KALRN: variants seen among roughly 807,000 people sequenced by gnomAD.
The protein encoded by KALRN is kalirin RhoGEF kinase.
KALRN carries 70 observed loss-of-function variants against 353.7 expected under a neutral mutation model. That is an observed-to-expected ratio of 0.20 (90% CI 0.16 to 0.24). The LOEUF is 0.24. Among genes scored for constraint, KALRN ranks in the 10% least tolerant of loss-of-function variants. The probability of loss-of-function intolerance (pLI) is 1.00; values close to 1 mark genes in which losing one functional copy is unlikely to be tolerated. For missense variants in KALRN, 2,791 were observed against 3,756.7 expected (o/e 0.74, Z 6.72); for synonymous variants, 1,391 against 1,434.8 (o/e 0.97, Z 0.69).
intron 10 of KALRN, among the ~76,000 whole-genome samples, chr3:124,378,819 T>C (rs570602314): frequency 6.6e-6 from 1 of 151,458 alleles, no homozygotes; most frequent in African/African-American, 2.4e-5. Flanking sequence ...CTTGTCTTTT[T>C]TTCCTCTGTC....
In KALRN at chr3:124,666,643, C is replaced by A. The variant is rs778364419; in HGVS notation, c.6531+9C>A. 2.5e-5 allele frequency: 40 copies of A among 1,611,622 alleles called. No individual in the cohort carries two copies. The South Asian group carries it at 4.1e-4, about 16-fold the overall frequency. Reference sequence around the variant, plus strand: ...TCAAAAGGAGCATCAAGGTGAGGATCCCAATGGTGATGAGAAGAGGCAAGG... The same window carrying A: ...TCAAAAGGAGCATCAAGGTGAGGATACCAATGGTGATGAGAAGAGGCAAGG... On this transcript the variant is annotated intron_variant, in intron 46 of 59. Transcript: ENST00000682506.
chr3:124,298,196 G>A (rs2076992354), intron 5 of KALRN, among the ~76,000 whole-genome samples: 2 of 152,150 alleles, frequency 1.3e-5, no homozygotes, highest in East Asian at 3.9e-4. Flanking sequence ...ATGGCTTAAT[G>A]CCCACTGTGC....
At chr3:124,051,209 C>G (rs1447999514) in intron 1 of KALRN, among the ~76,000 whole-genome samples, 1 of 152,166 alleles carries the variant, frequency 6.6e-6, no homozygotes, top group Non-Finnish European at 1.5e-5. Flanking sequence ...ATGACGCAGT[C>G]TCTGTCTTCA....
At chr3:124,483,508 T>C (rs1476002260) in intron 28 of KALRN, among the ~76,000 whole-genome samples, 1 of 152,130 alleles carries the variant, frequency 6.6e-6, no homozygotes, top group East Asian at 1.9e-4. Flanking sequence ...TCCGAGATCG[T>C]GTCACTGAAC....
intron 1 of KALRN, among the ~76,000 whole-genome samples, chr3:124,155,032 G>A (rs2068769843): frequency 6.6e-6 from 1 of 152,158 alleles, no homozygotes; most frequent in Non-Finnish European, 1.5e-5. Flanking sequence ...TTAATAAATG[G>A]TGCTGGGAAA....
intron 33 of KALRN, among the ~76,000 whole-genome samples, chr3:124,524,777 G>A (rs1056456455): frequency 2.0e-5 from 3 of 152,180 alleles, no homozygotes; most frequent in Non-Finnish European, 4.4e-5. Flanking sequence ...TTATGAGGAT[G>A]AGTCTCTTAA....
At chr3:124,403,673 A>G (rs1053750987) in intron 13 of KALRN, among the ~76,000 whole-genome samples, 2 of 152,206 alleles carry the variant, frequency 1.3e-5, no homozygotes, top group Non-Finnish European at 2.9e-5. Context: ...CAACTCTTCA[A>G]TTAGTTGCAC....
chr3:124,561,782 C>A (rs898455093), intron 33 of KALRN, among the ~76,000 whole-genome samples: 1 of 152,194 alleles, frequency 6.6e-6, no homozygotes, highest in African/African-American at 2.4e-5. Flanking sequence ...CCAAGCTGGG[C>A]CTCAGCCTCC....
chr3:124,057,231 C>A (rs2041632016), intron 1 of KALRN, among the ~76,000 whole-genome samples: 1 of 152,192 alleles, frequency 6.6e-6, no homozygotes, highest in Non-Finnish European at 1.5e-5. Context: ...ACCATACCGC[C>A]CCCACTTTTG....
intron 21 of KALRN, among the ~76,000 whole-genome samples, chr3:124,451,641 G>C (rs2058797342): frequency 6.6e-6 from 1 of 152,276 alleles, no homozygotes; most frequent in East Asian, 1.9e-4. Flanking sequence ...GCCACGTGTG[G>C]AAATAAAGAA....
chr3:124,339,288 G>A (rs1489772817), intron 9 of KALRN, among the ~76,000 whole-genome samples: 2 of 152,020 alleles, frequency 1.3e-5, no homozygotes, highest in Non-Finnish European at 2.9e-5. Flanking sequence ...TGAGACTTTG[G>A]GTCTCTGGAC....
chr3:124,304,908 G>T (rs1248302553), intron 6 of KALRN, among the ~76,000 whole-genome samples: 1 of 152,150 alleles, frequency 6.6e-6, no homozygotes, highest in East Asian at 1.9e-4. Flanking sequence ...AATGTCCCCC[G>T]GAGATGGAGA....
At chr3:124,698,965 A>G (rs2062191406) in intron 55 of KALRN, among the ~76,000 whole-genome samples, 1 of 152,314 alleles carries the variant, frequency 6.6e-6, no homozygotes, top group Non-Finnish European at 1.5e-5. Context: ...TAATAACACA[A>G]TTACTCTGAA....
intron 49 of KALRN, among the ~76,000 whole-genome samples, chr3:124,675,705 A>G (rs893632704): frequency 1.3e-5 from 2 of 152,092 alleles, no homozygotes; most frequent in African/African-American, 4.8e-5. Context: ...ATGCTGTCCA[A>G]CTGGTTCCCT....
intron 1 of KALRN, among the ~76,000 whole-genome samples, chr3:124,196,095 C>T (rs149426755): frequency 8.7e-4 from 132 of 152,264 alleles, no homozygotes; most frequent in African/African-American, 3.1e-3. Context: ...TAGAATTGCC[C>T]CTCAGTGATG....
chr3:124,274,472 T>G (rs1409118021), intron 5 of KALRN, among the ~76,000 whole-genome samples: 1 of 152,232 alleles, frequency 6.6e-6, no homozygotes, highest in Non-Finnish European at 1.5e-5. Context: ...GCTCTACTGA[T>G]GTCTACCCAG....
At chr3:124,567,757 C>T (rs1578039886) in intron 34 of KALRN, among the ~76,000 whole-genome samples, 1 of 152,272 alleles carries the variant, frequency 6.6e-6, no homozygotes, top group East Asian at 1.9e-4. Flanking sequence ...AACAATTAAT[C>T]CAGCTGCCAA....
chr3:124,382,233 C>G (rs751283825), intron 10 of KALRN, among the ~76,000 whole-genome samples: 3 of 152,038 alleles, frequency 2.0e-5, no homozygotes, highest in Non-Finnish European at 2.9e-5. Flanking sequence ...TTGTCATGTG[C>G]GAAATATTTA....
In KALRN at chr3:124,650,954, A is replaced by T. The variant is rs1010910070; in HGVS notation, c.5795+16A>T. 8.1e-6 allele frequency: 13 copies of T among 1,613,570 alleles called. No individual in the cohort carries two copies. Among genetic ancestry groups the T allele is most frequent in the African/African-American group, 4.0e-5 (3 of 74,920 alleles). ...GAGGCAGGATGTAAGTGGCTTCCCC[A>T]GTTCCTCCCTGTGGTGCACATGTGA... is the stretch of plus-strand genomic sequence containing the variant. On this transcript the variant is annotated intron_variant, in intron 38 of 59. Transcript: ENST00000682506.
Sources: gnomAD v4.1 joint callset for allele counts (sites outside exome capture counted in the v4.1 genomes callset) on GRCh38, gnomAD v4.1.1 for gene constraint, MANE v1.5 for transcripts, NCBI Gene and HGNC (gene_info 2026-07-23, HGNC 2026-07-21) for gene names.